Variants in GPT2 observed in about 807,000 individuals in gnomAD.
GPT2 encodes alanine aminotransferase 2.
A neutral mutation model predicts 56.9 loss-of-function variants in GPT2; 30 were observed. The observed-to-expected ratio is 0.53, with a 90% CI of 0.39 to 0.72. GPT2 has a LOEUF of 0.72. Among genes scored for constraint, GPT2 ranks in the 30% least tolerant of loss-of-function variants. GPT2 has a pLI of 0.00. For synonymous variants in GPT2, 271 were observed against 283.1 expected (o/e 0.96, Z 0.43); for missense variants, 542 against 703.4 (o/e 0.77, Z 2.60).
At chr16:46,892,711 G>A (rs1030413849) in intron 2 of GPT2, among the ~76,000 whole-genome samples, 1 of 152,042 alleles carries the variant, frequency 6.6e-6, no homozygotes, top group African/African-American at 2.4e-5. Flanking sequence ...GACGATTTGT[G>A]TGTCTTTTGT....
At chr16:46,907,120 G>A (rs1196059246) in intron 5 of GPT2, 145 bp downstream of exon 5, 7 of 1,017,686 alleles carry the variant, frequency 6.9e-6, no homozygotes, top group Non-Finnish European at 1.0e-5. Context: ...CTGGCAGCCT[G>A]CAGTCTTTGC....
At chr16:46,920,617 G>C (rs1567342698) in intron 8 of GPT2, among the ~76,000 whole-genome samples, 1 of 152,234 alleles carries the variant, frequency 6.6e-6, no homozygotes, top group Non-Finnish European at 1.5e-5. Flanking sequence ...TGTTAGGCTG[G>C]AACAGTGTAA....
chr16:46,928,899 C>G lies in GPT2; in HGVS notation c.1482-8C>G, dbSNP rs749922492. ...CAGCCAGGCTGACACTGTTGTCTCT[C>G]CTGCCAGGATGACTATCCTCCCTCC... On this transcript the variant is annotated splice_region_variant and splice_polypyrimidine_tract_variant and intron_variant, in intron 11 of 11. Coordinates refer to ENST00000340124, the MANE Select transcript of GPT2 (RefSeq NM_133443.4). 1.2e-6 allele frequency: 2 copies of G among 1,610,340 alleles called. No homozygotes were observed.
chr16:46,930,074 A>C lies in GPT2; in HGVS notation c.*1077A>C, dbSNP rs553550175. ...GCAGCTTGGCTGCCGTGGAGGAGTC[A>C]GTCGTGGTTGGAGGTTCATTGCCGT... On this transcript the variant is annotated 3_prime_UTR_variant, in exon 12 of 12. Transcript: ENST00000340124. 2.6e-5 allele frequency: 4 copies of C among 153,270 alleles called. No homozygotes were observed. The highest frequency in any genetic ancestry group is 9.6e-5 in the African/African-American group (4 of 41,590). 9.5% of individuals were successfully genotyped at this position (153,270 alleles called of 1,614,324 possible). A position where few individuals can be genotyped will look rare whatever the true frequency, so the allele number is the denominator to read the frequency against.
At chr16:46,903,265 ATATATAT>A (rs1960856534) in intron 4 of GPT2, among the ~76,000 whole-genome samples, 2 of 151,944 alleles carry the variant, frequency 1.3e-5, no homozygotes, top group African/African-American at 4.8e-5. Context: ...AAAGAAAAAA[ATATATAT>A]TATTTCTTAG....
chr16:46,884,938 A>ATCGAGC lies in GPT2; in HGVS notation c.231_236dup (p.Glu78_Leu79dup), dbSNP rs1292166716. On this transcript the variant is annotated inframe_insertion, in exon 2 of 12. Transcript: ENST00000340124. ...ACCCATCGTGCTCAAGGCCGGCGAG[A>ATCGAGC]TCGAGCTCGAGCTGCAGCGGGTGAG... 5.2e-6 allele frequency: 8 copies of ATCGAGC among 1,524,228 alleles called. No homozygotes were observed. Among genetic ancestry groups the ATCGAGC allele is most frequent in the Non-Finnish European group, 6.2e-6 (7 of 1,133,474 alleles). 94.4% of individuals were successfully genotyped at this position (1,524,228 alleles called of 1,614,324 possible).
intron 3 of GPT2, among the ~76,000 whole-genome samples, chr16:46,898,524 G>A (rs1326572403): frequency 6.6e-6 from 1 of 152,176 alleles, no homozygotes; most frequent in African/African-American, 2.4e-5. Context: ...ACTGAGGCCT[G>A]TTTTGTTTTA....
chr16:46,925,622 G>A (rs1284722858), intron 10 of GPT2, among the ~76,000 whole-genome samples: 4 of 152,116 alleles, frequency 2.6e-5, no homozygotes, highest in Non-Finnish European at 5.9e-5. Flanking sequence ...TTTGAGCCCA[G>A]GAGTTCGAGA....
chr16:46,907,311 A>G (rs750350767), intron 5 of GPT2, among the ~76,000 whole-genome samples: 2 of 152,248 alleles, frequency 1.3e-5, no homozygotes, highest in Non-Finnish European at 2.9e-5. Flanking sequence ...ATGGGAAACC[A>G]AACACATCAT....
At chr16:46,884,560 C>T in intron 1 of GPT2, 93 bp downstream of exon 1, 2 of 963,688 alleles carry the variant, frequency 2.1e-6, no homozygotes, top group Non-Finnish European at 2.7e-6. Context: ...TCCGGGTCGC[C>T]GGGGGATGGG....
At chr16:46,886,924 C>T (rs1027911139) in intron 2 of GPT2, among the ~76,000 whole-genome samples, 5 of 152,160 alleles carry the variant, frequency 3.3e-5, no homozygotes, top group African/African-American at 7.2e-5. Context: ...TTCATTCAAG[C>T]GCATCCCTTC....
intron 5 of GPT2, among the ~76,000 whole-genome samples, chr16:46,908,304 T>TGG (rs1317247434): frequency 1.3e-5 from 2 of 150,704 alleles, no homozygotes; most frequent in Non-Finnish European, 3.0e-5. Flanking sequence ...GGGGGACTGG[T>TGG]GGGGCCTGCA....
chr16:46,889,474 C>G (rs995113411), intron 2 of GPT2, among the ~76,000 whole-genome samples: 1 of 151,998 alleles, frequency 6.6e-6, no homozygotes, highest in Non-Finnish European at 1.5e-5. Context: ...AGGCTGGTCT[C>G]AGACTGCTAG....
intron 10 of GPT2, among the ~76,000 whole-genome samples, 156 bp downstream of exon 10, chr16:46,924,700 A>T (rs1442886098): frequency 6.6e-6 from 1 of 152,190 alleles, no homozygotes; most frequent in Non-Finnish European, 1.5e-5. Flanking sequence ...TGTAAAGATG[A>T]CAGGTTCTTG....
At chr16:46,908,516 T>C (rs901292387) in intron 5 of GPT2, among the ~76,000 whole-genome samples, 1 of 152,192 alleles carries the variant, frequency 6.6e-6, no homozygotes, top group African/African-American at 2.4e-5. Context: ...TTAATGGGGC[T>C]TTGTTTCCTG....
intron 2 of GPT2, 96 bp from the exon 3 acceptor site, chr16:46,897,552 G>T: frequency 9.1e-7 from 1 of 1,098,862 alleles, no homozygotes; most frequent in Non-Finnish European, 1.4e-6. Flanking sequence ...TCAAAATAGG[G>T]CTGTTTATTA....
intron 4 of GPT2, among the ~76,000 whole-genome samples, chr16:46,902,740 C>T (rs1960842910): frequency 6.6e-6 from 1 of 152,126 alleles, no homozygotes; most frequent in South Asian, 2.1e-4. Flanking sequence ...ATTCTTCTGC[C>T]TCAGCCTCCT....
intron 9 of GPT2, among the ~76,000 whole-genome samples, chr16:46,922,973 C>T (rs1288277722): frequency 6.6e-6 from 1 of 152,156 alleles, no homozygotes; most frequent in Admixed American, 6.6e-5. Flanking sequence ...ATAAAGTGCT[C>T]GGTTTTCTGG....
intron 6 of GPT2, 138 bp from the exon 7 acceptor site, chr16:46,916,489 AG>A (rs1254715689): frequency 1.3e-5 from 9 of 699,750 alleles, no homozygotes; most frequent in Admixed American, 3.8e-5. Context: ...GCAGCTGGGG[AG>A]GGGGGCCTCT....
Sources: allele counts gnomAD v4.1 joint callset (sites outside exome capture counted in the v4.1 genomes callset), GRCh38; gene constraint gnomAD v4.1.1; transcripts MANE v1.5; gene names NCBI Gene and HGNC (gene_info 2026-07-23, HGNC 2026-07-21).